The following DRC8 variants were observed in gnomAD, a reference collection of about 807,000 sequenced individuals.
The protein encoded by DRC8 is dynein regulatory complex protein 8.
At chr1:244,975,830 A>C in the DRC8 span, among the ~76,000 whole-genome samples, 1 of 152,208 alleles carries the variant, frequency 6.6e-6, no homozygotes, top group Non-Finnish European at 1.5e-5. Context: ...ACTGCACTCC[A>C]GCCTGAGTAA....
chr1:244,970,951 C>T, the DRC8 span: 2 of 173,146 alleles, frequency 1.2e-5, no homozygotes, highest in African/African-American at 4.8e-5. Flanking sequence ...CGTAGCTGTC[C>T]AGGCTGTGGG....
the DRC8 span, among the ~76,000 whole-genome samples, chr1:244,975,230 C>T: frequency 4.6e-5 from 7 of 151,992 alleles, no homozygotes; most frequent in African/African-American, 1.2e-4. Context: ...ACGCCTGGCT[C>T]GAACTCTTGA....
the DRC8 span, among the ~76,000 whole-genome samples, chr1:245,047,794 A>G: frequency 1.3e-5 from 2 of 152,092 alleles, no homozygotes. Context: ...CAACATGGTG[A>G]AACCTCGTCT....
chr1:245,048,430 T>C, the DRC8 span, among the ~76,000 whole-genome samples: 7,502 of 152,242 alleles, frequency 0.049, 616 homozygotes, highest in African/African-American at 0.17. Context: ...GTTGTATAAG[T>C]AGTTTATGTA....
At chr1:245,125,037 G>T in the DRC8 span, 1 of 152,126 alleles carries the variant, frequency 6.6e-6, no homozygotes, top group East Asian at 1.9e-4. Context: ...ACCGTGGCTG[G>T]CCAAGCCTGC....
At chr1:244,971,958 C>CAAAAAAA in the DRC8 span, among the ~76,000 whole-genome samples, 1 of 107,244 alleles carries the variant, frequency 9.3e-6, no homozygotes, top group South Asian at 3.2e-4. Context: ...TGTTCTTTAC[C>CAAAAAAA]AAAAAAAAAA....
chr1:244,971,213 A>G, the DRC8 span: 1 of 151,988 alleles, frequency 6.6e-6, no homozygotes. Flanking sequence ...TTAAAAAAAA[A>G]AAAAGACACA....
chr1:245,007,199 G>T, the DRC8 span, among the ~76,000 whole-genome samples: 4 of 152,032 alleles, frequency 2.6e-5, no homozygotes, highest in Non-Finnish European at 5.9e-5. Context: ...GGGCCATTCT[G>T]TATGATGCTA....
the DRC8 span, among the ~76,000 whole-genome samples, chr1:244,981,785 G>A: frequency 6.6e-6 from 1 of 152,126 alleles, no homozygotes; most frequent in African/African-American, 2.4e-5. Flanking sequence ...GGGTTATTCT[G>A]GTGAAGAGCC....
the DRC8 span, among the ~76,000 whole-genome samples, chr1:244,974,157 T>C: frequency 6.6e-6 from 1 of 152,228 alleles, no homozygotes; most frequent in Non-Finnish European, 1.5e-5. Context: ...TTGTTCTTTC[T>C]TTTCCTTCTG....
the DRC8 span, among the ~76,000 whole-genome samples, chr1:245,003,287 A>T: frequency 6.6e-6 from 1 of 152,188 alleles, no homozygotes; most frequent in Non-Finnish European, 1.5e-5. Flanking sequence ...CACTTACAAT[A>T]CTTTTAGTTA....
At chr1:244,985,699 T>C in the DRC8 span, among the ~76,000 whole-genome samples, 2 of 151,544 alleles carry the variant, frequency 1.3e-5, no homozygotes, top group Admixed American at 1.3e-4. Flanking sequence ...CCCCCGTCTC[T>C]ACTAAAATAC....
At chr1:245,101,913 C>T in the DRC8 span, among the ~76,000 whole-genome samples, 1 of 152,076 alleles carries the variant, frequency 6.6e-6, no homozygotes, top group East Asian at 1.9e-4. Context: ...TGGCATAAGA[C>T]GATTTAGGTT....
chr1:245,102,376 G>A, the DRC8 span, among the ~76,000 whole-genome samples: 1 of 150,770 alleles, frequency 6.6e-6, no homozygotes, highest in Non-Finnish European at 1.5e-5. Flanking sequence ...TTGAGATGGA[G>A]TCTCATTCTG....
chr1:244,995,646 C>T, the DRC8 span, among the ~76,000 whole-genome samples: 1 of 152,130 alleles, frequency 6.6e-6, no homozygotes, highest in Non-Finnish European at 1.5e-5. Flanking sequence ...ACCGAGCCCA[C>T]CCATCTCTTG....
chr1:245,105,539 C>T, the DRC8 span, among the ~76,000 whole-genome samples: 1 of 150,242 alleles, frequency 6.7e-6, no homozygotes, highest in East Asian at 2.0e-4. Context: ...GGGAGTATAA[C>T]CTGAGCCCAG....
the DRC8 span, among the ~76,000 whole-genome samples, chr1:244,987,830 T>G: frequency 6.6e-6 from 1 of 152,178 alleles, no homozygotes; most frequent in African/African-American, 2.4e-5. Flanking sequence ...TCTTAATTTC[T>G]GTAGGTGGGA....
chr1:245,076,933 G>T, the DRC8 span, among the ~76,000 whole-genome samples: 12 of 152,020 alleles, frequency 7.9e-5, no homozygotes, highest in Non-Finnish European at 1.0e-4. Context: ...CGCCGTGTTG[G>T]CCAGGATGGT....
chr1:245,010,227 G>T, the DRC8 span, among the ~76,000 whole-genome samples: 1 of 152,152 alleles, frequency 6.6e-6, no homozygotes. Context: ...TATCAGTTAC[G>T]GAGGCATGGA....
Sources: allele counts gnomAD v4.1 joint callset (sites outside exome capture counted in the v4.1 genomes callset), GRCh38; gene constraint gnomAD v4.1.1; transcripts MANE v1.5; gene names NCBI Gene and HGNC (gene_info 2026-07-23, HGNC 2026-07-21).